Variants in SPICE1 observed in about 807,000 individuals in gnomAD.
SPICE1 encodes the protein spindle and centriole associated protein 1.
SPICE1 carries 75 observed loss-of-function variants against 102.7 expected under a neutral mutation model. The ratio of observed to expected loss-of-function variants is 0.73; its 90% CI spans 0.61 to 0.88. The LOEUF is 0.88. SPICE1 is among the 40% of genes least tolerant of loss of function. The pLI is 0.00. For missense variants in SPICE1, 979 were observed against 1,020.1 expected, an observed-to-expected ratio of 0.96 and a Z score of 0.55; for synonymous variants, 308 against 350.3, an observed-to-expected ratio of 0.88 and a Z score of 1.35.
intron 2 of SPICE1, 22 bp from the exon 3 acceptor site, chr3:113,503,249 CT>C (rs1937043798): frequency 1.1e-5 from 16 of 1,508,944 alleles, no homozygotes; most frequent in South Asian, 4.0e-5. Flanking sequence ...GGTGGCCTTT[CT>C]TTAAAAAAAA....
chr3:113,459,143 G>A (rs964443626), intron 12 of SPICE1, among the ~76,000 whole-genome samples: 8 of 151,934 alleles, frequency 5.3e-5, no homozygotes, highest in Admixed American at 1.3e-4. Flanking sequence ...TCTGAAATAC[G>A]TGCTGTGTCC....
At chr3:113,465,537 T>G in intron 11 of SPICE1, 116 bp downstream of exon 11, 1 of 821,668 alleles carries the variant, frequency 1.2e-6, no homozygotes, top group Non-Finnish European at 1.9e-6. Context: ...TAAAAATGAC[T>G]GATAAGTAAT....
Position 113,468,925 on chromosome 3 carries a change from T to C in SPICE1, c.752-26A>G, listed in dbSNP as rs752867138. 6.3e-6 allele frequency: 10 copies of C among 1,594,820 alleles called. No individual in the cohort carries two copies. In the African/African-American group the frequency reaches 1.1e-4, roughly 17 times the overall value. ...CTAAAAGGAAGAACATTTCCAAAAG[T>C]ATCTCAAGTGAACAAACTTCTTAAG... On this transcript the variant is annotated intron_variant, in intron 8 of 17. Coordinates refer to ENST00000295872, the MANE Select transcript of SPICE1 (RefSeq NM_144718.4).
intron 16 of SPICE1, among the ~76,000 whole-genome samples, chr3:113,447,474 T>C (rs1373399270): frequency 6.6e-6 from 1 of 152,194 alleles, no homozygotes; most frequent in Non-Finnish European, 1.5e-5. Flanking sequence ...TATAATGACA[T>C]GTATCTGGCA....
chr3:113,474,021 T>C (rs1482419463), intron 7 of SPICE1, among the ~76,000 whole-genome samples: 1 of 152,074 alleles, frequency 6.6e-6, no homozygotes, highest in East Asian at 1.9e-4. Flanking sequence ...GACCCATCAG[T>C]GTGCTGTAAT....
chr3:113,490,319 C>T (rs7631335), intron 6 of SPICE1, among the ~76,000 whole-genome samples: 38,193 of 151,946 alleles, frequency 0.25, 5,124 homozygotes, highest in African/African-American at 0.35. Flanking sequence ...TCCTAAGCCC[C>T]AGACATTCAT....
intron 11 of SPICE1, among the ~76,000 whole-genome samples, chr3:113,463,523 T>C (rs1349575888): frequency 2.6e-5 from 4 of 152,224 alleles, no homozygotes; most frequent in South Asian, 2.1e-4. Flanking sequence ...CAAATGTTCA[T>C]TAACTAATGA....
At chr3:113,514,529 C>T in intron 1 of SPICE1, 1 of 405,482 alleles carries the variant, frequency 2.5e-6, no homozygotes, top group Non-Finnish European at 4.9e-6. Flanking sequence ...CTCACATCTC[C>T]CGCAAATCCT....
intron 1 of SPICE1, chr3:113,514,568 T>C (rs1042200164): frequency 2.2e-6 from 1 of 448,976 alleles, no homozygotes; most frequent in African/African-American, 2.0e-5. Flanking sequence ...CACACACAGT[T>C]GCAACCATTC....
At chr3:113,456,663 T>C (rs896462025) in intron 13 of SPICE1, among the ~76,000 whole-genome samples, 3 of 152,350 alleles carry the variant, frequency 2.0e-5, no homozygotes, top group Admixed American at 2.0e-4. Context: ...ACTTTTATTA[T>C]AAAATTGCCT....
intron 12 of SPICE1, chr3:113,459,888 A>G: frequency 5.7e-6 from 1 of 174,024 alleles, no homozygotes; most frequent in Non-Finnish European, 1.0e-5. Context: ...TCTCAAAAAG[A>G]AAAAAAAAAA....
intron 13 of SPICE1, 95 bp from the exon 14 acceptor site, chr3:113,454,045 G>T: frequency 1.7e-6 from 2 of 1,193,666 alleles, no homozygotes. Flanking sequence ...AGTTAGAAAA[G>T]TATTTCAGTA....
At chr3:113,512,453 G>A (rs1252525071) in intron 1 of SPICE1, among the ~76,000 whole-genome samples, 1 of 133,668 alleles carries the variant, frequency 7.5e-6, no homozygotes, top group African/African-American at 2.8e-5. Context: ...TCTGTTACCA[G>A]GCTGGAGTGC....
intron 11 of SPICE1, among the ~76,000 whole-genome samples, chr3:113,462,510 G>C (rs990001432): frequency 6.6e-6 from 1 of 152,142 alleles, no homozygotes; most frequent in African/African-American, 2.4e-5. Flanking sequence ...AAGTTCTGGA[G>C]GAAAATCAGT....
At chr3:113,501,018 A>C (rs1936997480) in intron 3 of SPICE1, among the ~76,000 whole-genome samples, 1 of 152,190 alleles carries the variant, frequency 6.6e-6, no homozygotes, top group Non-Finnish European at 1.5e-5. Context: ...ACTTACTATA[A>C]AACGACAGTA....
rs1935430994 is a variant in SPICE1 at position 113,443,295 on chromosome 3, T to C, written c.*2012A>G. 6.6e-6 allele frequency: 1 copy of C among 152,228 alleles called. No individual in the cohort carries two copies. The highest frequency in any genetic ancestry group is 1.5e-5 in the Non-Finnish European group (1 of 68,036). The allele number at this position is 152,228 out of a possible 1,614,324, so 9.4% of individuals were successfully genotyped here. On this transcript the variant is annotated 3_prime_UTR_variant, in exon 18 of 18. Coordinates refer to ENST00000295872, the MANE Select transcript of SPICE1 (RefSeq NM_144718.4). The stretch of plus-strand genomic sequence containing the variant: ...ACAGCTCAAGTGGCAGAAATGGCAT[T>C]TGAGGCAAGATTTCTGGTTTCAGTA...
chr3:113,476,421 T>C (rs1213392827), intron 7 of SPICE1, among the ~76,000 whole-genome samples: 4 of 150,580 alleles, frequency 2.7e-5, no homozygotes, highest in African/African-American at 5.0e-5. Context: ...CTTCACAGAA[T>C]TGGAAAAAAC....
chr3:113,505,630 C>T (rs1233081168), intron 2 of SPICE1, among the ~76,000 whole-genome samples: 1 of 152,174 alleles, frequency 6.6e-6, no homozygotes, highest in African/African-American at 2.4e-5. Context: ...TAGCTGGGTG[C>T]AATGGCTCGC....
At chr3:113,503,587 G>C (rs1937050597) in intron 2 of SPICE1, among the ~76,000 whole-genome samples, 1 of 152,130 alleles carries the variant, frequency 6.6e-6, no homozygotes, top group South Asian at 2.1e-4. Context: ...TCACACTGTA[G>C]TCTATGGAAT....
Sources: allele counts gnomAD v4.1 joint callset (sites outside exome capture counted in the v4.1 genomes callset), GRCh38; gene constraint gnomAD v4.1.1; transcripts MANE v1.5; gene names NCBI Gene and HGNC (gene_info 2026-07-23, HGNC 2026-07-21).